The following PEX2 variants were observed in gnomAD, a reference collection of about 807,000 sequenced individuals.
PEX2 encodes the protein peroxisomal biogenesis factor 2.
In PEX2, 19 loss-of-function variants were observed where a neutral mutation model predicts 25.2. The observed-to-expected ratio is 0.75, with a 90% confidence interval of 0.53 to 1.10. The LOEUF (loss-of-function observed/expected upper bound fraction) is 1.10. Among genes scored for constraint, PEX2 ranks in the 50% least tolerant of loss-of-function variants. The pLI, the probability that PEX2 is intolerant of heterozygous loss-of-function variation, is 0.00. For synonymous variants in PEX2, 141 were observed against 127.7 expected, an observed-to-expected ratio of 1.10 and a Z score of -0.70; for missense variants, 347 against 350.6, an observed-to-expected ratio of 0.99 and a Z score of 0.08.
chr8:76,988,293 G>C lies in PEX2; in HGVS notation c.-128+14C>G, dbSNP rs909572652. The C allele has an allele frequency of 2.0e-5, 3 of 152,170 alleles. No homozygotes were observed. Among genetic ancestry groups the C allele is most frequent in the African/African-American group, 7.2e-5 (3 of 41,404 alleles). 9.4% of individuals were successfully genotyped at this position (152,170 alleles called of 1,614,324 possible). ...TTGTGACTTCATCAGAATCACATAA[G>C]AAAACAGGCATACCTCAGAGACACT... On this transcript the variant is annotated intron_variant, in intron 2 of 3. Coordinates refer to ENST00000357039, the MANE Select transcript of PEX2 (RefSeq NM_000318.3).
chr8:76,996,314 T>C (rs1807329682), intron 1 of PEX2, among the ~76,000 whole-genome samples: 1 of 152,178 alleles, frequency 6.6e-6, no homozygotes, highest in African/African-American at 2.4e-5. Flanking sequence ...AACAAGGAAA[T>C]TGAGGTGCAA....
chr8:77,000,142 A>T (rs936877379), upstream of PEX2: 5 of 340,372 alleles, frequency 1.5e-5, no homozygotes, highest in South Asian at 1.1e-4. Flanking sequence ...GCTGAAAAAA[A>T]AAAGAAAAAG....
rs1807178892 is a variant in PEX2 at position 76,991,848 on chromosome 8, G to A, written c.-159-3510C>T. 2.0e-5 allele frequency among the ~76,000 whole-genome samples: 3 copies of A among 152,202 alleles called. No individual in the cohort carries two copies. The South Asian group carries it at 6.2e-4, about 31-fold the overall frequency. ...GATTAAACCAGATAATGTTACGAAA[G>A]TGGTTTAGAAGCCATAAAGCAGTAT... is the stretch of plus-strand genomic sequence containing the variant. On this transcript the variant is annotated intron_variant, in intron 1 of 3. Coordinates refer to ENST00000357039, the MANE Select transcript of PEX2 (RefSeq NM_000318.3).
At chr8:76,992,805 T>G (rs952668822) in intron 1 of PEX2, among the ~76,000 whole-genome samples, 9 of 152,212 alleles carry the variant, frequency 5.9e-5, no homozygotes, top group African/African-American at 7.2e-5. Context: ...GTCAGCTAGC[T>G]TCCTTTTATT....
In PEX2 at chr8:76,990,849, C is replaced by T. The variant is rs916945121; in HGVS notation, c.-159-2511G>A. On this transcript the variant is annotated intron_variant, in intron 1 of 3. Transcript: ENST00000357039. ...GAAATATTGCCAAGAATTACCTAAA[C>T]GTTACACAGAGACACCAAGTTGAGT... Among the ~76,000 whole-genome samples the T allele has an allele frequency of 5.3e-5, 8 of 151,994 alleles. No individual in the cohort carries two copies. In the East Asian group the frequency reaches 9.7e-4, roughly 18 times the overall value.
At position 76,995,916 on chromosome 8, in the gene PEX2, A is replaced by AAAG. The variant is rs1807312139; in HGVS notation, c.-160+4073_-160+4074insCTT. Among the ~76,000 whole-genome samples, 4 of 6,286 alleles carry AAAG rather than the reference A, an allele frequency of 6.4e-4. No individual in the cohort carries two copies. The Admixed American group carries it at 0.011, about 18-fold the overall frequency. 4.1% of individuals were successfully genotyped at this position (6,286 alleles called of 152,430 possible). A position where few individuals can be genotyped will look rare whatever the true frequency, so the allele number is the denominator to read the frequency against. On this transcript the variant is annotated intron_variant, in intron 1 of 3. Transcript: ENST00000357039. ...TACACTATACTCTTCATTGGCTAAA[A>AAAG]AAAGAAACAAAAAAAAGCAACTGTA... is the stretch of plus-strand genomic sequence containing the variant.
Position 76,982,826 on chromosome 8 carries a change from T to G in PEX2, c.*435A>C. 5.6e-6 allele frequency: 1 copy of G among 177,660 alleles called. No homozygotes were observed. The highest frequency in any genetic ancestry group is 1.2e-5 in the Non-Finnish European group (1 of 85,376). The allele number at this position is 177,660 out of a possible 1,614,324, so 11.0% of individuals were successfully genotyped here. Reference sequence around the variant, plus strand: ...ACCGTCTCAGAAAAAAAAAAAAAAGTTACAACTGAGGCATCAGGTCTTAAG... The same window carrying G: ...ACCGTCTCAGAAAAAAAAAAAAAAGGTACAACTGAGGCATCAGGTCTTAAG... On this transcript the variant is annotated 3_prime_UTR_variant, in exon 4 of 4. Coordinates refer to ENST00000357039, the MANE Select transcript of PEX2 (RefSeq NM_000318.3).
At chr8:76,991,497 T>C (rs1807168169) in intron 1 of PEX2, among the ~76,000 whole-genome samples, 1 of 152,170 alleles carries the variant, frequency 6.6e-6, no homozygotes, top group Admixed American at 6.5e-5. Context: ...CCTTTGCTCC[T>C]CCAGATGAAT....
intron 1 of PEX2, among the ~76,000 whole-genome samples, chr8:76,995,863 T>C (rs549945221): frequency 3.3e-5 from 5 of 152,118 alleles, no homozygotes; most frequent in Non-Finnish European, 7.4e-5. Context: ...CACTAACAGA[T>C]TGTGTGACTC....
At chr8:76,999,619 G>A (rs1807435838) in intron 1 of PEX2, among the ~76,000 whole-genome samples, 1 of 152,146 alleles carries the variant, frequency 6.6e-6, no homozygotes, top group South Asian at 2.1e-4. Context: ...ATTAAGTAAA[G>A]TTTGGATCCT....
chr8:76,986,457 CCT>C (rs1236135431), intron 2 of PEX2, 161 bp from the exon 3 acceptor site: 2 of 152,406 alleles, frequency 1.3e-5, no homozygotes, highest in African/African-American at 4.8e-5. Context: ...TGGCTGCTCT[CCT>C]CTCTCATGGA....
At chr8:76,995,954 T>C (rs1807314749) in intron 1 of PEX2, among the ~76,000 whole-genome samples, 1 of 152,156 alleles carries the variant, frequency 6.6e-6, no homozygotes, top group Non-Finnish European at 1.5e-5. Flanking sequence ...TTTACCTACC[T>C]ATCTAGAATC....
chr8:76,988,890 G>C (rs1479273896), intron 1 of PEX2, among the ~76,000 whole-genome samples: 1 of 151,404 alleles, frequency 6.6e-6, no homozygotes, highest in Non-Finnish European at 1.5e-5. Context: ...CACTTTCTTT[G>C]CTTATCCATA....
At position 76,981,357 on chromosome 8, in the gene PEX2, G is replaced by A. The variant is rs1806821220; in HGVS notation, c.*1904C>T. 6.6e-6 allele frequency: 1 copy of A among 152,192 alleles called. No homozygotes were observed. Among genetic ancestry groups the A allele is most frequent in the Non-Finnish European group, 1.5e-5 (1 of 68,086 alleles). 9.4% of individuals were successfully genotyped at this position (152,192 alleles called of 1,614,324 possible). ...TGGGCCTGTGGTCCCAGCAACTTGGGAGGCTCAGATGGGAGGATCGCTTGA... is the reference window on the plus strand; with the variant it reads ...TGGGCCTGTGGTCCCAGCAACTTGGAAGGCTCAGATGGGAGGATCGCTTGA... On this transcript the variant is annotated 3_prime_UTR_variant, in exon 4 of 4. Transcript: ENST00000357039.
chr8:76,995,286 G>C (rs938747802), intron 1 of PEX2, among the ~76,000 whole-genome samples: 2 of 152,218 alleles, frequency 1.3e-5, no homozygotes, highest in African/African-American at 4.8e-5. Context: ...TTTTAAAACT[G>C]TGTTATGTCC....
rs1219573777 is a variant in PEX2 at position 76,999,977 on chromosome 8, G to C, written c.-160+13C>G. ...TCGGGTTTGCACTCCGGCTCTCTAG[G>C]GCAGACACTGACCTTAGGAGTCTGC... On this transcript the variant is annotated intron_variant, in intron 1 of 3. Transcript: ENST00000357039. The C allele has an allele frequency of 2.2e-6, 1 of 456,542 alleles. No homozygotes were observed. The highest frequency in any genetic ancestry group is 4.4e-6 in the Non-Finnish European group (1 of 226,950). The allele number at this position is 456,542 out of a possible 1,614,324, so 28.3% of individuals were successfully genotyped here.
intron 1 of PEX2, among the ~76,000 whole-genome samples, chr8:76,993,842 G>A (rs1389302391): frequency 6.6e-6 from 1 of 152,026 alleles, no homozygotes; most frequent in African/African-American, 2.4e-5. Flanking sequence ...GGAGGGGAGA[G>A]AGATATTTAT....
intron 1 of PEX2, among the ~76,000 whole-genome samples, chr8:76,994,808 G>A (rs1028125603): frequency 6.6e-5 from 10 of 152,108 alleles, no homozygotes; most frequent in Non-Finnish European, 1.5e-4. Context: ...CACGTTCATT[G>A]TTTTCTCTTT....
chr8:76,989,774 G>GT (rs1459841267), intron 1 of PEX2, among the ~76,000 whole-genome samples: 4 of 152,108 alleles, frequency 2.6e-5, no homozygotes, highest in South Asian at 2.1e-4. Flanking sequence ...TCCAGGCTTT[G>GT]TTTTTTTCAT....
Sources: gnomAD v4.1 joint callset for allele counts (sites outside exome capture counted in the v4.1 genomes callset) on GRCh38, gnomAD v4.1.1 for gene constraint, MANE v1.5 for transcripts, NCBI Gene and HGNC (gene_info 2026-07-23, HGNC 2026-07-21) for gene names.